NCOR1: variants seen among roughly 807,000 people sequenced by gnomAD.
NCOR1 encodes nuclear receptor corepressor 1, also known as protein phosphatase 1, regulatory subunit 109.
NCOR1 carries 63 observed loss-of-function variants against 288.1 expected under a neutral mutation model. The observed-to-expected ratio is 0.22, with a 90% CI of 0.18 to 0.27. NCOR1 has a LOEUF of 0.27. Ranked by LOEUF, NCOR1 falls within the 10% of genes least tolerant of loss-of-function variation. The pLI, the probability that NCOR1 is intolerant of heterozygous loss-of-function variation, is 1.00. For missense variants in NCOR1, 2,397 were observed against 3,019.2 expected, an observed-to-expected ratio of 0.79 and a Z score of 4.83; for synonymous variants, 1,007 against 1,065.9, an observed-to-expected ratio of 0.94 and a Z score of 1.08.
At chr17:16,170,492 A>G (rs987538682) in intron 4 of NCOR1, among the ~76,000 whole-genome samples, 5 of 152,178 alleles carry the variant, frequency 3.3e-5, no homozygotes, top group African/African-American at 1.2e-4. Context: ...ACTAAGTGTC[A>G]GGCACTTCCT....
chr17:16,124,797 C>A (rs2073705741), intron 15 of NCOR1, among the ~76,000 whole-genome samples: 1 of 152,148 alleles, frequency 6.6e-6, no homozygotes, highest in African/African-American at 2.4e-5. Flanking sequence ...AAGCTGGAAT[C>A]TAAAATATAA....
At position 16,040,512 on chromosome 17, in the gene NCOR1, T is replaced by C. The variant is rs1437821603; in HGVS notation, c.6680-18A>G. On this transcript the variant is annotated intron_variant, in intron 42 of 45. Coordinates refer to ENST00000268712, the MANE Select transcript of NCOR1 (RefSeq NM_006311.4). ...AGCAGCTGCTATATTTAAGCAAACA[T>C]TCAAGTTAATTAAGATGTGATAATC... 6.2e-7 allele frequency: 1 copy of C among 1,609,440 alleles called. No homozygotes were observed. The highest frequency in any genetic ancestry group is 8.5e-7 in the Non-Finnish European group (1 of 1,176,858).
intron 18 of NCOR1, among the ~76,000 whole-genome samples, chr17:16,116,223 G>C (rs1030775754): frequency 1.3e-5 from 2 of 152,164 alleles, no homozygotes; most frequent in African/African-American, 4.8e-5. Context: ...ATGACACATG[G>C]TAATTGTAGG....
intron 20 of NCOR1, 66 bp downstream of exon 20, chr17:16,101,184 C>T: frequency 6.7e-7 from 1 of 1,489,090 alleles, no homozygotes; most frequent in Non-Finnish European, 9.0e-7. Flanking sequence ...GCAGCCAGCA[C>T]CACCCTGTGA....
intron 17 of NCOR1, 134 bp downstream of exon 17, chr17:16,119,289 G>T: frequency 1.7e-6 from 1 of 573,850 alleles, no homozygotes; most frequent in East Asian, 2.9e-5. Flanking sequence ...AACTCTTAAA[G>T]TCACTTCTGA....
chr17:16,082,556 A>G (rs1253947648), intron 23 of NCOR1, among the ~76,000 whole-genome samples: 1 of 151,980 alleles, frequency 6.6e-6, no homozygotes. Flanking sequence ...TCTCTATAAA[A>G]AATAAAAAAA....
At chr17:16,207,952 T>TA (rs2091721055) in intron 1 of NCOR1, among the ~76,000 whole-genome samples, 1 of 151,256 alleles carries the variant, frequency 6.6e-6, no homozygotes, top group African/African-American at 2.4e-5. Context: ...TAATTTTTTA[T>TA]ATAAAACTAG....
chr17:16,159,737 T>G (rs1484367034), intron 5 of NCOR1, among the ~76,000 whole-genome samples: 12 of 151,826 alleles, frequency 7.9e-5, no homozygotes, highest in Admixed American at 7.2e-4. Flanking sequence ...TGTGTGCAAG[T>G]ATAAAGAAAA....
chr17:16,109,089 A>C (rs887599896), intron 18 of NCOR1, among the ~76,000 whole-genome samples, 177 bp from the exon 19 acceptor site: 4 of 152,174 alleles, frequency 2.6e-5, no homozygotes, highest in Non-Finnish European at 5.9e-5. Context: ...CTAACTGGCC[A>C]AATTTTGTGT....
chr17:16,133,259 G>C (rs778362164), intron 14 of NCOR1, among the ~76,000 whole-genome samples: 1 of 152,128 alleles, frequency 6.6e-6, no homozygotes, highest in Admixed American at 6.5e-5. Flanking sequence ...GTGAGCCATC[G>C]CACCCAGCCA....
At position 16,091,900 on chromosome 17, in the gene NCOR1, T is replaced by C. The variant is rs761445125; in HGVS notation, c.2979A>G (p.Pro993=). Residue 993 remains proline, a synonymous_variant, in exon 22 of 46, where the codon CCA becomes CCG. Transcript: ENST00000268712. ...IDLECRSSTS[P]CGTSKSPNRE... ...TGTTTGGACTCTTGGATGTGCCACATGGACTTGTAGAACTTCTACATTCCA... is the reference window on the plus strand; with the variant it reads ...TGTTTGGACTCTTGGATGTGCCACACGGACTTGTAGAACTTCTACATTCCA... 7.4e-6 allele frequency: 12 copies of C among 1,614,108 alleles called. No individual in the cohort carries two copies. In the South Asian group the frequency reaches 8.8e-5, roughly 12 times the overall value.
chr17:16,090,598 A>T (rs530745795), intron 22 of NCOR1, among the ~76,000 whole-genome samples: 11 of 152,212 alleles, frequency 7.2e-5, no homozygotes, highest in Non-Finnish European at 1.3e-4. Context: ...AAAGCCTAAA[A>T]GTTATCAATA....
At chr17:16,176,739 G>C (rs1443859155) in intron 3 of NCOR1, among the ~76,000 whole-genome samples, 1 of 151,990 alleles carries the variant, frequency 6.6e-6, no homozygotes, top group African/African-American at 2.4e-5. Flanking sequence ...CTGCTATGTA[G>C]AAGTTTGTAG....
chr17:16,087,364 T>C, intron 22 of NCOR1: 1 of 1,299,308 alleles, frequency 7.7e-7, no homozygotes. Context: ...GTTAAAGTTA[T>C]CAAAATAAGG....
rs61453507 is a variant in NCOR1 at position 16,074,870 on chromosome 17, T to TTTTG, written c.3670+660_3670+663dup. Among the ~76,000 whole-genome samples, 297 of 152,300 alleles carry TTTTG rather than the reference T, an allele frequency of 2.0e-3. 2 individuals carry two copies. The highest frequency in any genetic ancestry group is 6.8e-3 in the African/African-American group (282 of 41,554). On this transcript the variant is annotated intron_variant, in intron 27 of 45. Transcript: ENST00000268712. The stretch of plus-strand genomic sequence containing the variant: ...AGAATATTATCTACCTTCTAATTCT[T>TTTTG]TTTGTTTGTTTGTTTGAGACAGACT...
chr17:16,160,770 C>T (rs1419487503), intron 5 of NCOR1, among the ~76,000 whole-genome samples: 2 of 151,928 alleles, frequency 1.3e-5, no homozygotes, highest in African/African-American at 4.8e-5. Context: ...CCAGCCTGGG[C>T]GACAGGGGGA....
chr17:16,205,937 CAAA>C (rs199837579), intron 1 of NCOR1, among the ~76,000 whole-genome samples: 16 of 67,740 alleles, frequency 2.4e-4, no homozygotes, highest in Non-Finnish European at 1.9e-4. Flanking sequence ...TACTCCGTCT[CAAA>C]AAAAAAAAAA....
At chr17:16,168,984 C>T (rs1287968543) in intron 4 of NCOR1, among the ~76,000 whole-genome samples, 1 of 151,212 alleles carries the variant, frequency 6.6e-6, no homozygotes, top group Non-Finnish European at 1.5e-5. Context: ...AAAAACAATG[C>T]ATGTCACAAC....
chr17:16,041,661 C>T (rs956164353), intron 42 of NCOR1, among the ~76,000 whole-genome samples: 1 of 152,030 alleles, frequency 6.6e-6, no homozygotes. Flanking sequence ...GTGATCTACC[C>T]ACCTCAGCCT....
Sources: gnomAD v4.1 joint callset for allele counts (sites outside exome capture counted in the v4.1 genomes callset) on GRCh38, gnomAD v4.1.1 for gene constraint, MANE v1.5 for transcripts, NCBI Gene and HGNC (gene_info 2026-07-23, HGNC 2026-07-21) for gene names.